The following BCL2L13 variants were observed in gnomAD, a reference collection of about 807,000 sequenced individuals.
BCL2L13 encodes bcl-2-like protein 13.
Under a neutral mutation model 25.8 loss-of-function variants are expected in BCL2L13, and 13 were observed. The ratio of observed to expected loss-of-function variants is 0.50; its 90% confidence interval spans 0.33 to 0.80. The LOEUF is 0.80. Among genes scored for constraint, BCL2L13 ranks in the 30% least tolerant of loss-of-function variants. The probability of loss-of-function intolerance (pLI) is 0.02; values close to 1 mark genes in which losing one functional copy is unlikely to be tolerated. For missense variants in BCL2L13, 504 were observed against 574.9 expected (o/e 0.88, Z 1.26); for synonymous variants, 244 against 230.3 (o/e 1.06, Z -0.54).
chr22:17,639,012 G>C (rs2058168626), intron 1 of BCL2L13, 126 bp downstream of exon 1: 1 of 743,532 alleles, frequency 1.3e-6, no homozygotes, highest in African/African-American at 1.8e-5. Context: ...GCGTGAGTTT[G>C]AGTGTGTGTG....
At chr22:17,686,446 T>TA (rs1468946773) in intron 3 of BCL2L13, among the ~76,000 whole-genome samples, 5 of 151,228 alleles carry the variant, frequency 3.3e-5, no homozygotes, top group East Asian at 2.0e-4. Context: ...TGAGACCATT[T>TA]AAAAAAAATG....
chr22:17,696,058 A>G, intron 4 of BCL2L13, 83 bp from the exon 5 acceptor site: 1 of 990,218 alleles, frequency 1.0e-6, no homozygotes, highest in South Asian at 1.3e-5. Context: ...AAAGTTCAAC[A>G]GAGTAGTGAC....
intron 3 of BCL2L13, among the ~76,000 whole-genome samples, chr22:17,683,557 T>C (rs1273629924): frequency 1.3e-5 from 2 of 152,236 alleles, no homozygotes; most frequent in Admixed American, 1.3e-4. Context: ...CAGTTTCTCA[T>C]GTTAAGTATC....
At chr22:17,658,232 T>C (rs180766625) in intron 2 of BCL2L13, among the ~76,000 whole-genome samples, 1 of 152,296 alleles carries the variant, frequency 6.6e-6, no homozygotes, top group Admixed American at 6.5e-5. Context: ...ATATTCTGTT[T>C]TTTAATTTTC....
intron 6 of BCL2L13, among the ~76,000 whole-genome samples, chr22:17,717,657 GT>G (rs1477552384): frequency 3.9e-5 from 6 of 152,178 alleles, no homozygotes; most frequent in African/African-American, 1.4e-4. Flanking sequence ...AAAGAGCACA[GT>G]TCCTGATAAG....
chr22:17,650,346 C>T (rs1601511630), intron 1 of BCL2L13, among the ~76,000 whole-genome samples: 1 of 152,280 alleles, frequency 6.6e-6, no homozygotes, highest in Admixed American at 6.5e-5. Context: ...CATCTTTTGA[C>T]TACCCCTTAA....
At chr22:17,714,147 G>T (rs142796650) in intron 6 of BCL2L13, among the ~76,000 whole-genome samples, 2,241 of 152,168 alleles carry the variant, frequency 0.015, 57 homozygotes, top group African/African-American at 0.05. Context: ...CAAAAAGTTA[G>T]CCGGGCGTGG....
intron 1 of BCL2L13, among the ~76,000 whole-genome samples, chr22:17,641,064 G>C (rs1335999664): frequency 6.6e-6 from 1 of 151,750 alleles, no homozygotes; most frequent in Admixed American, 6.6e-5. Flanking sequence ...CTAATTTTTT[G>C]TATTTTTAGT....
intron 1 of BCL2L13, among the ~76,000 whole-genome samples, chr22:17,654,370 T>C (rs892531070): frequency 1.3e-5 from 2 of 152,102 alleles, no homozygotes; most frequent in African/African-American, 2.4e-5. Flanking sequence ...CCCAAAGTGC[T>C]GGGATTATGG....
intron 2 of BCL2L13, among the ~76,000 whole-genome samples, chr22:17,657,265 A>G (rs1012613778): frequency 6.6e-6 from 1 of 152,224 alleles, no homozygotes; most frequent in East Asian, 1.9e-4. Flanking sequence ...TGTTTTACAC[A>G]TCCACAATGG....
intron 1 of BCL2L13, among the ~76,000 whole-genome samples, chr22:17,631,243 C>A (rs563328621): frequency 6.6e-6 from 1 of 151,034 alleles, no homozygotes; most frequent in South Asian, 2.1e-4. Flanking sequence ...ATTACAAGCG[C>A]CCGCCACCAC....
Position 17,696,071 on chromosome 22 carries a change from T to C in BCL2L13, c.387-70T>C, listed in dbSNP as rs1487259589. The C allele has an allele frequency of 3.6e-6, 4 of 1,096,872 alleles. No homozygotes were observed. The African/African-American group carries it at 4.6e-5, about 13-fold the overall frequency. The allele number at this position is 1,096,872 out of a possible 1,614,324, so 67.9% of individuals were successfully genotyped here. On this transcript the variant is annotated intron_variant, in intron 4 of 6. Transcript: ENST00000317582. The stretch of plus-strand genomic sequence containing the variant: ...AAAAAGTTCAACAGAGTAGTGACTG[T>C]ATATGTATTCATCTGGAAATACAGA...
intron 6 of BCL2L13, among the ~76,000 whole-genome samples, chr22:17,724,290 CA>C (rs1555898722): frequency 6.6e-6 from 1 of 152,086 alleles, no homozygotes; most frequent in Non-Finnish European, 1.5e-5. Flanking sequence ...ACAACAAAAA[CA>C]ATCTTATCTA....
intron 6 of BCL2L13, among the ~76,000 whole-genome samples, chr22:17,707,136 G>C (rs1363777689): frequency 6.6e-6 from 1 of 151,872 alleles, no homozygotes; most frequent in Non-Finnish European, 1.5e-5. Context: ...TTAATGAAGT[G>C]GGTTGCAGCT....
intron 6 of BCL2L13, among the ~76,000 whole-genome samples, chr22:17,721,055 T>C (rs2061109545): frequency 6.6e-6 from 1 of 151,630 alleles, no homozygotes; most frequent in Admixed American, 6.6e-5. Context: ...TAGTCCCAGC[T>C]ACTCGGGGGG....
chr22:17,632,706 C>T (rs2058048967), intron 1 of BCL2L13, among the ~76,000 whole-genome samples: 1 of 149,230 alleles, frequency 6.7e-6, no homozygotes, highest in African/African-American at 2.5e-5. Context: ...ATCAACCGTG[C>T]TTTTGTTTTT....
chr22:17,696,042 T>A (rs2060254590), intron 4 of BCL2L13, 99 bp from the exon 5 acceptor site: 1 of 821,222 alleles, frequency 1.2e-6, no homozygotes, highest in Non-Finnish European at 2.1e-6. Flanking sequence ...TTTGTCAGTT[T>A]AGCAAAAAGT....
chr22:17,682,568 T>C (rs2059787183), intron 2 of BCL2L13, among the ~76,000 whole-genome samples: 1 of 152,152 alleles, frequency 6.6e-6, no homozygotes, highest in Admixed American at 6.6e-5. Context: ...AAGGATACAT[T>C]GTCTACAAAA....
At chr22:17,705,464 AT>A (rs1364795913) in intron 6 of BCL2L13, among the ~76,000 whole-genome samples, 1 of 151,392 alleles carries the variant, frequency 6.6e-6, no homozygotes, top group East Asian at 2.0e-4. Flanking sequence ...CACCCGGCTA[AT>A]TTTTTGTATT....
Sources: gnomAD v4.1 joint callset for allele counts (sites outside exome capture counted in the v4.1 genomes callset) on GRCh38, gnomAD v4.1.1 for gene constraint, MANE v1.5 for transcripts, NCBI Gene and HGNC (gene_info 2026-07-23, HGNC 2026-07-21) for gene names.